BORCS5: variants seen among roughly 807,000 people sequenced by gnomAD.
BORCS5 encodes the protein BLOC-1-related complex subunit 5.
BORCS5 carries 17 observed loss-of-function variants against 22.1 expected under a neutral mutation model. The observed-to-expected ratio is 0.77, with a 90% CI of 0.53 to 1.15. BORCS5 has a LOEUF of 1.15. Ranked by LOEUF, BORCS5 falls within the 50% of genes most tolerant of loss-of-function variation. BORCS5 has a pLI of 0.00. For synonymous variants in BORCS5, 117 were observed against 99.8 expected, an observed-to-expected ratio of 1.17 and a Z score of -1.03; for missense variants, 247 against 253.2, an observed-to-expected ratio of 0.98 and a Z score of 0.17.
intron 3 of BORCS5, among the ~76,000 whole-genome samples, chr12:12,464,514 C>T (rs902584978): frequency 7.9e-5 from 12 of 152,076 alleles, no homozygotes; most frequent in Admixed American, 3.3e-4. Context: ...AGGAATAAAC[C>T]AGAAGGAAGG....
chr12:12,433,353 A>C (rs989200252), intron 2 of BORCS5, among the ~76,000 whole-genome samples: 1 of 148,740 alleles, frequency 6.7e-6, no homozygotes, highest in Non-Finnish European at 1.5e-5. Flanking sequence ...AAAAAAGGAA[A>C]TCTGCCCGGG....
At chr12:12,414,869 ACAGG>A (rs1194548283) in intron 2 of BORCS5, among the ~76,000 whole-genome samples, 1 of 148,674 alleles carries the variant, frequency 6.7e-6, no homozygotes, top group African/African-American at 2.5e-5. Context: ...CACCTCCCAG[ACAGG>A]GTTGTGGCCA....
intron 2 of BORCS5, among the ~76,000 whole-genome samples, chr12:12,416,651 G>C (rs1485261789): frequency 6.6e-6 from 1 of 151,930 alleles, no homozygotes; most frequent in Non-Finnish European, 1.5e-5. Context: ...TAAAGAGACA[G>C]AGTCTCACTA....
At chr12:12,454,546 G>A (rs1018987095) in intron 3 of BORCS5, among the ~76,000 whole-genome samples, 1 of 152,210 alleles carries the variant, frequency 6.6e-6, no homozygotes, top group Non-Finnish European at 1.5e-5. Flanking sequence ...GATTTATATA[G>A]TTAGGCTGAC....
At chr12:12,462,853 C>T (rs888736080) in intron 3 of BORCS5, among the ~76,000 whole-genome samples, 6 of 151,986 alleles carry the variant, frequency 3.9e-5, no homozygotes, top group African/African-American at 7.3e-5. Context: ...GACGGAGTTT[C>T]GCCGTGTTGC....
chr12:12,405,471 T>G (rs1941576123), intron 2 of BORCS5, among the ~76,000 whole-genome samples: 2 of 152,242 alleles, frequency 1.3e-5, no homozygotes, highest in African/African-American at 4.8e-5. Context: ...GTTCTAGCAC[T>G]TATTTCCATC....
intron 2 of BORCS5, among the ~76,000 whole-genome samples, chr12:12,409,028 C>T (rs1207028889): frequency 3.3e-5 from 5 of 152,148 alleles, no homozygotes; most frequent in Admixed American, 6.5e-5. Context: ...CTTTCGCCAG[C>T]GGCTATGCTA....
At chr12:12,382,002 T>C (rs370808196) in intron 2 of BORCS5, among the ~76,000 whole-genome samples, 2 of 151,530 alleles carry the variant, frequency 1.3e-5, no homozygotes, top group African/African-American at 4.9e-5. Flanking sequence ...ATGTAACAAC[T>C]TTCATCATTA....
chr12:12,425,156 G>A lies in BORCS5; in HGVS notation c.203-10472G>A, dbSNP rs571860920. Among the ~76,000 whole-genome samples, 15 of 152,338 alleles carry A rather than the reference G, an allele frequency of 9.8e-5. No individual in the cohort carries two copies. The South Asian group carries it at 2.9e-3, about 29-fold the overall frequency. On this transcript the variant is annotated intron_variant, in intron 2 of 3. Coordinates refer to ENST00000314565, the MANE Select transcript of BORCS5 (RefSeq NM_058169.6). ...TGCAAGCCACTCCAGGAATAAGTGCGTAGCTGCCTGCAGTGGGGATGGGAG... is the reference window on the plus strand; with the variant it reads ...TGCAAGCCACTCCAGGAATAAGTGCATAGCTGCCTGCAGTGGGGATGGGAG...
chr12:12,408,253 G>A (rs181969660), intron 2 of BORCS5, among the ~76,000 whole-genome samples: 183 of 152,262 alleles, frequency 1.2e-3, no homozygotes, highest in African/African-American at 4.2e-3. Flanking sequence ...TAATGCTGCT[G>A]TGAACATTGA....
chr12:12,403,859 C>G (rs142226650), intron 2 of BORCS5, among the ~76,000 whole-genome samples: 1 of 152,106 alleles, frequency 6.6e-6, no homozygotes, highest in African/African-American at 2.4e-5. Context: ...ATCAATCAAG[C>G]TTTGACTTAC....
At chr12:12,403,043 G>A (rs1003253302) in intron 2 of BORCS5, among the ~76,000 whole-genome samples, 4 of 150,826 alleles carry the variant, frequency 2.7e-5, no homozygotes, top group Admixed American at 1.3e-4. Context: ...CCACTTTTTC[G>A]TTAATAATAA....
intron 2 of BORCS5, among the ~76,000 whole-genome samples, chr12:12,384,466 A>AT (rs1863839059): frequency 6.8e-6 from 1 of 148,070 alleles, no homozygotes; most frequent in Non-Finnish European, 1.5e-5. Context: ...TATTGACTGC[A>AT]TTTTTTTCTT....
At chr12:12,441,260 G>A (rs962685538) in intron 3 of BORCS5, among the ~76,000 whole-genome samples, 4 of 152,180 alleles carry the variant, frequency 2.6e-5, no homozygotes, top group Admixed American at 2.6e-4. Flanking sequence ...GCTCAGCTGA[G>A]GCAGGGCAAC....
intron 2 of BORCS5, among the ~76,000 whole-genome samples, chr12:12,412,663 G>C (rs1941766603): frequency 6.6e-6 from 1 of 152,060 alleles, no homozygotes; most frequent in Non-Finnish European, 1.5e-5. Context: ...ATGTTGAATA[G>C]AAGTGGTGAA....
chr12:12,439,446 G>A (rs1942634090), intron 3 of BORCS5, among the ~76,000 whole-genome samples: 2 of 151,998 alleles, frequency 1.3e-5, no homozygotes, highest in South Asian at 4.1e-4. Context: ...TGGGCAACAT[G>A]GTGAAACCCC....
Position 12,468,632 on chromosome 12 carries a change from C to G in BORCS5, c.*2856C>G, listed in dbSNP as rs921456330. 2.0e-5 allele frequency: 3 copies of G among 152,196 alleles called. No individual in the cohort carries two copies. The highest frequency in any genetic ancestry group is 7.2e-5 in the African/African-American group (3 of 41,454). 9.4% of individuals were successfully genotyped at this position (152,196 alleles called of 1,614,324 possible). Reference sequence around the variant, plus strand: ...TTGTCTCTGAGCAGTGGCCCTGGGTCTTGGTAGTGACTAAATTCCGAGCTC... The same window carrying G: ...TTGTCTCTGAGCAGTGGCCCTGGGTGTTGGTAGTGACTAAATTCCGAGCTC... On this transcript the variant is annotated 3_prime_UTR_variant, in exon 4 of 4. Transcript: ENST00000314565.
chr12:12,450,349 A>T (rs2136145213), intron 3 of BORCS5, among the ~76,000 whole-genome samples: 1 of 152,342 alleles, frequency 6.6e-6, no homozygotes, highest in Middle Eastern at 3.4e-3. Flanking sequence ...TGAGGTCAAG[A>T]ATTGTGAAAT....
chr12:12,373,981 CTTTTTTTTTTTTTT>C (rs926893487), intron 2 of BORCS5, among the ~76,000 whole-genome samples: 1 of 89,798 alleles, frequency 1.1e-5, no homozygotes, highest in African/African-American at 5.0e-5. Context: ...AGAGAGTATT[CTTTTTTTTTTTTTT>C]TTTTTTTTTT....
Sources: gnomAD v4.1 joint callset for allele counts (sites outside exome capture counted in the v4.1 genomes callset) on GRCh38, gnomAD v4.1.1 for gene constraint, MANE v1.5 for transcripts, NCBI Gene and HGNC (gene_info 2026-07-23, HGNC 2026-07-21) for gene names.